Variants in BFSP2 observed in about 807,000 individuals in gnomAD.
BFSP2 encodes beaded filament structural protein 2, also known as phakinin.
BFSP2 carries 38 observed loss-of-function variants against 44.9 expected under a neutral mutation model. The ratio of observed to expected loss-of-function variants is 0.85; its 90% CI spans 0.65 to 1.11. The LOEUF is 1.11. BFSP2 is among the 50% of genes least tolerant of loss of function. The pLI, the probability that BFSP2 is intolerant of heterozygous loss-of-function variation, is 0.00. For synonymous variants in BFSP2, 197 were observed against 209.9 expected (o/e 0.94, Z 0.53); for missense variants, 525 against 533.0 (o/e 0.99, Z 0.15).
chr3:133,466,718 G>A (rs1212595543), intron 4 of BFSP2, 110 bp from the exon 5 acceptor site: 1 of 624,878 alleles, frequency 1.6e-6, no homozygotes, highest in Non-Finnish European at 2.9e-6. Flanking sequence ...CGTGACAGCT[G>A]TATTTCCTCT....
At position 133,428,061 on chromosome 3, in the gene BFSP2, T is replaced by C. The variant is rs572000640; in HGVS notation, c.490-19256T>C. Among the ~76,000 whole-genome samples, 13 of 152,286 alleles carry C rather than the reference T, an allele frequency of 8.5e-5. No homozygotes were observed. The East Asian group carries it at 2.3e-3, about 27-fold the overall frequency. The stretch of plus-strand genomic sequence containing the variant: ...GAGACAAAACCTTTAACGTGGGTAG[T>C]TGGATTCCAGAGTCTGTATGCCCGG... On this transcript the variant is annotated intron_variant, in intron 1 of 6. Transcript: ENST00000302334.
chr3:133,434,496 C>A (rs1559968443), intron 1 of BFSP2, among the ~76,000 whole-genome samples: 1 of 152,070 alleles, frequency 6.6e-6, no homozygotes, highest in Non-Finnish European at 1.5e-5. Flanking sequence ...CACTTCAACA[C>A]CATTTTATTT....
rs768745697 is a variant in BFSP2 at position 133,448,543 on chromosome 3, GTA to G, written c.630_631del (p.Tyr210Ter). ...CGGCAGAAGAGGAAATTAACTCTCTGTATAAAGTCATTGATGAGGCTAATTTG... is the reference window on the plus strand; with the variant it reads ...CGGCAGAAGAGGAAATTAACTCTCTGTAAAGTCATTGATGAGGCTAATTTG... ...KAAEEEINSLYKVIDEANLTK... is the reference protein window; with the variant it reads ...KAAEEEINSLXKVIDEANLTK... On this transcript the variant is annotated frameshift_variant, in exon 3 of 7. Coordinates refer to ENST00000302334, the MANE Select transcript of BFSP2 (RefSeq NM_003571.4). LOFTEE classifies it high-confidence loss of function. The G allele has an allele frequency of 1.2e-5, 19 of 1,614,024 alleles. No individual in the cohort carries two copies. Among genetic ancestry groups the G allele is most frequent in the Non-Finnish European group, 1.4e-5 (17 of 1,179,986 alleles).
At chr3:133,407,717 A>T (rs1367698811) in intron 1 of BFSP2, among the ~76,000 whole-genome samples, 1 of 152,222 alleles carries the variant, frequency 6.6e-6, no homozygotes, top group Non-Finnish European at 1.5e-5. Context: ...AACATTCTAT[A>T]GTAAGCTCTA....
chr3:133,440,642 G>T (rs1162119221), intron 1 of BFSP2, among the ~76,000 whole-genome samples: 3 of 152,090 alleles, frequency 2.0e-5, no homozygotes, highest in Non-Finnish European at 4.4e-5. Flanking sequence ...TCAGAACTTG[G>T]GGGGACAGAG....
intron 1 of BFSP2, among the ~76,000 whole-genome samples, chr3:133,438,553 G>C (rs142735538): frequency 6.6e-6 from 1 of 152,004 alleles, no homozygotes; most frequent in Admixed American, 6.6e-5. Context: ...AACAAAAAAA[G>C]AAAAAAGAAA....
chr3:133,431,062 A>G (rs2073711409), intron 1 of BFSP2, among the ~76,000 whole-genome samples: 2 of 107,546 alleles, frequency 1.9e-5, no homozygotes, highest in South Asian at 7.8e-4. Flanking sequence ...AATATAAAAA[A>G]CCCAGCCCAG....
In BFSP2 at chr3:133,400,702, T is replaced by A; in HGVS notation, c.489+130T>A. 1 of 1,411,716 alleles carries A rather than the reference T, an allele frequency of 7.1e-7. No homozygotes were observed. The highest frequency in any genetic ancestry group is 9.6e-7 in the Non-Finnish European group (1 of 1,043,248). 87.4% of individuals were successfully genotyped at this position (1,411,716 alleles called of 1,614,324 possible). A position where few individuals can be genotyped will look rare whatever the true frequency, so the allele number is the denominator to read the frequency against. ...ATCCCCTACACTTTCACACTTAAAATGGTAATGATAACAACAATGCTACCT... is the reference window on the plus strand; with the variant it reads ...ATCCCCTACACTTTCACACTTAAAAAGGTAATGATAACAACAATGCTACCT... On this transcript the variant is annotated intron_variant, in intron 1 of 6. Transcript: ENST00000302334. The surrounding 1 kb of genome is among the most constrained non-coding windows in gnomAD (Gnocchi z 4.0).
chr3:133,474,036 G>A (rs993703385), intron 6 of BFSP2, among the ~76,000 whole-genome samples: 10 of 152,152 alleles, frequency 6.6e-5, no homozygotes, highest in African/African-American at 2.2e-4. Flanking sequence ...AAGGGGTTGG[G>A]ACTAGGAGTT....
chr3:133,474,412 T>G (rs1364794398), intron 6 of BFSP2, among the ~76,000 whole-genome samples: 1 of 152,210 alleles, frequency 6.6e-6, no homozygotes, highest in African/African-American at 2.4e-5. Flanking sequence ...TAACCTCTCT[T>G]TATTCAGAAG....
intron 1 of BFSP2, among the ~76,000 whole-genome samples, chr3:133,436,209 C>T (rs1380578142): frequency 6.6e-6 from 1 of 151,304 alleles, no homozygotes; most frequent in African/African-American, 2.4e-5. Flanking sequence ...GCCTGTAGTC[C>T]CAGCTACTGG....
intron 5 of BFSP2, among the ~76,000 whole-genome samples, chr3:133,469,995 A>G (rs374040223): frequency 6.8e-4 from 101 of 149,578 alleles, no homozygotes; most frequent in African/African-American, 2.3e-3. Context: ...CAATGTCAAC[A>G]ACAACTAGTC....
intron 1 of BFSP2, among the ~76,000 whole-genome samples, chr3:133,432,808 C>T (rs2073736955): frequency 6.6e-6 from 1 of 152,080 alleles, no homozygotes; most frequent in Non-Finnish European, 1.5e-5. Flanking sequence ...ACAACAACTC[C>T]TTTCCTTCCT....
intron 1 of BFSP2, among the ~76,000 whole-genome samples, chr3:133,423,714 G>A (rs1469022075): frequency 6.6e-6 from 1 of 152,096 alleles, no homozygotes; most frequent in Non-Finnish European, 1.5e-5. Flanking sequence ...GGGGTGTCCC[G>A]GGCTACCGCC....
chr3:133,467,145 C>A (rs1349507557), intron 5 of BFSP2, among the ~76,000 whole-genome samples, 186 bp downstream of exon 5: 1 of 152,218 alleles, frequency 6.6e-6, no homozygotes, highest in East Asian at 1.9e-4. Flanking sequence ...GCAATAGACA[C>A]TGTAGTGCCC....
intron 1 of BFSP2, among the ~76,000 whole-genome samples, chr3:133,433,976 C>CTA (rs745801700): frequency 4.6e-5 from 7 of 152,188 alleles, no homozygotes; most frequent in Non-Finnish European, 4.4e-5. Flanking sequence ...CTTGTCATCC[C>CTA]TATCTTCTGT....
rs548612411 is a variant in BFSP2 at position 133,432,574 on chromosome 3, A to G, written c.490-14743A>G. 1.5e-3 allele frequency among the ~76,000 whole-genome samples: 226 copies of G among 152,188 alleles called. 1 individual carries two copies. The highest frequency in any genetic ancestry group is 4.8e-3 in the African/African-American group (198 of 41,502). ...CTCTGCTTCTCACCTTATTCAATATATTGATGATCTTCTTCTTTGTAGCCC... is the reference window on the plus strand; with the variant it reads ...CTCTGCTTCTCACCTTATTCAATATGTTGATGATCTTCTTCTTTGTAGCCC... On this transcript the variant is annotated intron_variant, in intron 1 of 6. Transcript: ENST00000302334.
rs1246709944 is a variant in BFSP2 at position 133,424,237 on chromosome 3, T to G, written c.490-23080T>G. 1.9e-3 allele frequency among the ~76,000 whole-genome samples: 288 copies of G among 148,022 alleles called. 9 individuals are homozygous for G. The highest frequency in any genetic ancestry group is 6.8e-3 in the African/African-American group (277 of 40,536). On this transcript the variant is annotated intron_variant, in intron 1 of 6. Coordinates refer to ENST00000302334, the MANE Select transcript of BFSP2 (RefSeq NM_003571.4). ...ATTTTTTTTTTTTTTTTTTTTTTTT[T>G]TTTTGTATTTTTAGTAGAGATGGAG...
chr3:133,470,697 C>T (rs930395868), intron 5 of BFSP2, among the ~76,000 whole-genome samples: 1 of 152,170 alleles, frequency 6.6e-6, no homozygotes, highest in African/African-American at 2.4e-5. Context: ...ATACCAAGAA[C>T]CTATTCTGTG....
Sources: allele counts gnomAD v4.1 joint callset (sites outside exome capture counted in the v4.1 genomes callset), GRCh38; gene constraint gnomAD v4.1.1; non-coding constraint Gnocchi (gnomAD v3.1); transcripts MANE v1.5; gene names NCBI Gene and HGNC (gene_info 2026-07-23, HGNC 2026-07-21).